ABTB1: variants seen among roughly 807,000 people sequenced by gnomAD.
ABTB1 encodes ankyrin repeat and BTB/POZ domain-containing protein 1.
Under a neutral mutation model 57.1 loss-of-function variants are expected in ABTB1, and 45 were observed. That is an observed-to-expected ratio of 0.79 (90% CI 0.62 to 1.01). ABTB1 has a LOEUF of 1.01. ABTB1 is among the 50% of genes least tolerant of loss of function. The pLI is 0.00. For synonymous variants in ABTB1, 302 were observed against 275.4 expected (o/e 1.10, Z -0.95); for missense variants, 630 against 666.3 (o/e 0.95, Z 0.60).
Position 127,680,596 on chromosome 3 carries a change from G to C in ABTB1, c.*121G>C, listed in dbSNP as rs766008202. 8.4e-7 allele frequency: 1 copy of C among 1,193,752 alleles called. No homozygotes were observed. The highest frequency in any genetic ancestry group is 1.5e-5 in the African/African-American group (1 of 66,672). 73.9% of individuals were successfully genotyped at this position (1,193,752 alleles called of 1,614,324 possible). On this transcript the variant is annotated 3_prime_UTR_variant, in exon 12 of 12. Transcript: ENST00000232744. ...TGAGGGCTTCATGGGGGGTGCGAGG[G>C]GCTCAGTGGGGCTTCTCTTCCCTCC...
chr3:127,675,956 C>A lies in ABTB1; in HGVS notation c.176-14C>A, dbSNP rs1358091899. 6.2e-7 allele frequency: 1 copy of A among 1,601,384 alleles called. No individual in the cohort carries two copies. Among genetic ancestry groups the A allele is most frequent in the Admixed American group, 1.7e-5 (1 of 59,824 alleles). On this transcript the variant is annotated splice_polypyrimidine_tract_variant and intron_variant, in intron 3 of 11. Transcript: ENST00000232744. The stretch of plus-strand genomic sequence containing the variant: ...GCCCCTTCCCTGCTAACTGGTGAGC[C>A]CTGCCTCCCCCAGGAGCCCGCTGCG...
intron 3 of ABTB1, 30 bp downstream of exon 3, chr3:127,674,630 T>C (rs867640759): frequency 1.2e-6 from 2 of 1,613,872 alleles, no homozygotes; most frequent in South Asian, 1.1e-5. Flanking sequence ...CTCACGGGTG[T>C]GCGTGGGTGC....
chr3:127,673,157 C>A, intron 1 of ABTB1, 76 bp downstream of exon 1: 1 of 1,373,230 alleles, frequency 7.3e-7, no homozygotes, highest in Non-Finnish European at 9.5e-7. Flanking sequence ...GGACGGGCGG[C>A]TGGGCGGCCG....
At position 127,676,899 on chromosome 3, in the gene ABTB1, C is replaced by A; in HGVS notation, c.527-68C>A. ...GCCAGGTGGCCAGGTGGGAGGGGAT[C>A]ACCCTTTTTCTGTGGGCCTGATGAC... On this transcript the variant is annotated intron_variant, in intron 6 of 11. Coordinates refer to ENST00000232744, the MANE Select transcript of ABTB1 (RefSeq NM_172027.3). This position sits in a 1 kb window ranked among gnomAD's most constrained non-coding sequence, Gnocchi z 5.4. The A allele has an allele frequency of 6.7e-7, 1 of 1,496,370 alleles. No homozygotes were observed. Among genetic ancestry groups the A allele is most frequent in the Non-Finnish European group, 9.2e-7 (1 of 1,087,058 alleles). 92.7% of individuals were successfully genotyped at this position (1,496,370 alleles called of 1,614,324 possible).
At chr3:127,678,148 G>A (rs1228659686) in intron 10 of ABTB1, 1 of 341,680 alleles carries the variant, frequency 2.9e-6, no homozygotes, top group Admixed American at 4.3e-5. Flanking sequence ...CCTCCTCTCT[G>A]TGGTGCTGCA....
chr3:127,680,259 C>A lies in ABTB1; in HGVS notation c.1231-10C>A, dbSNP rs763261463. 9 of 1,613,408 alleles carry A rather than the reference C, an allele frequency of 5.6e-6. No individual in the cohort carries two copies. Among genetic ancestry groups the A allele is most frequent in the Non-Finnish European group, 6.8e-6 (8 of 1,179,830 alleles). ...CACCCCTCCACTGAGCTGGCCCTTC[C>A]CGCTCATAGCTGGTGGAGCGGGAGG... On this transcript the variant is annotated splice_polypyrimidine_tract_variant and intron_variant, in intron 11 of 11. Coordinates refer to ENST00000232744, the MANE Select transcript of ABTB1 (RefSeq NM_172027.3).
At chr3:127,675,834 T>G in intron 3 of ABTB1, 136 bp from the exon 4 acceptor site, 2 of 1,225,862 alleles carry the variant, frequency 1.6e-6, no homozygotes, top group Non-Finnish European at 2.3e-6. Context: ...GGGGTCAGAG[T>G]GGGCCCAGGG....
chr3:127,675,741 CT>C, intron 3 of ABTB1: 1 of 593,564 alleles, frequency 1.7e-6, no homozygotes. Flanking sequence ...TCTGTGTTGT[CT>C]GTCTTCCGTG....
Position 127,680,761 on chromosome 3 carries a change from C to A in ABTB1, c.*286C>A. On this transcript the variant is annotated 3_prime_UTR_variant, in exon 12 of 12. Coordinates refer to ENST00000232744, the MANE Select transcript of ABTB1 (RefSeq NM_172027.3). ...GGGTGGGCTTTGGTCTTAGCACTTT[C>A]CTTCTCCAGATCCCCCCTACCCACC... 1 of 668,344 alleles carries A rather than the reference C, an allele frequency of 1.5e-6. No homozygotes were observed. The highest frequency in any genetic ancestry group is 1.7e-5 in the South Asian group (1 of 57,256). 41.4% of individuals were successfully genotyped at this position (668,344 alleles called of 1,614,324 possible). A position where few individuals can be genotyped will look rare whatever the true frequency, so the allele number is the denominator to read the frequency against.
chr3:127,676,955 C>G lies in ABTB1; in HGVS notation c.527-12C>G, dbSNP rs2074996488. 3.7e-6 allele frequency: 6 copies of G among 1,612,348 alleles called. No homozygotes were observed. In the East Asian group the frequency reaches 1.3e-4, roughly 36 times the overall value. On this transcript the variant is annotated splice_polypyrimidine_tract_variant and intron_variant, in intron 6 of 11. Coordinates refer to ENST00000232744, the MANE Select transcript of ABTB1 (RefSeq NM_172027.3). This position sits in a 1 kb window ranked among gnomAD's most constrained non-coding sequence, Gnocchi z 5.4. ...AGGTCCCGCAGGCCCTCATCCTCCC[C>G]ACTGCCCCCAGGCCGCCTGGACATT...
At chr3:127,675,849 T>C in intron 3 of ABTB1, 121 bp from the exon 4 acceptor site, 1 of 1,365,604 alleles carries the variant, frequency 7.3e-7, no homozygotes, top group Non-Finnish European at 1.0e-6. Flanking sequence ...CCAGGGTAAT[T>C]TGGGAAGGCA....
chr3:127,680,112 G>A lies in ABTB1; in HGVS notation c.1157G>A (p.Arg386His), dbSNP rs73203006. The A allele has an allele frequency of 1.8e-3, 2,825 of 1,613,912 alleles. 6 individuals carry two copies. The highest frequency in any genetic ancestry group is 2.2e-3 in the Non-Finnish European group (2,568 of 1,180,028). ...GAGGACACTGTGGTGGGTGTGTGGC[G>A]CGTGGCCAAGCTCTTCCGCCTGGCG... ...LDEDTVVGVW[R>H]VAKLFRLARL... The change falls in exon 11 of 12, where the codon CGC (arginine) becomes CAC (histidine). Residue 386 changes from arginine (R) to histidine (H), a missense_variant. Coordinates refer to ENST00000232744, the MANE Select transcript of ABTB1 (RefSeq NM_172027.3).
Position 127,674,393 on chromosome 3 carries a change from A to G in ABTB1, c.59A>G (p.Tyr20Cys). The G allele has an allele frequency of 1.9e-6, 3 of 1,588,084 alleles. No homozygotes were observed. The highest frequency in any genetic ancestry group is 2.6e-6 in the Non-Finnish European group (3 of 1,166,470). Reference sequence around the variant, plus strand: ...GCTCTGACCTCCTTCCTGCCCAGGTACCTGCTGGAGCAGCGAGACGTGGAG... The same window carrying G: ...GCTCTGACCTCCTTCCTGCCCAGGTGCCTGCTGGAGCAGCGAGACGTGGAG... ...CRKGDVGRVR[Y>C]LLEQRDVEVN... is the part of the protein sequence containing the mutation. Residue 20 changes from tyrosine (Y) to cysteine (C), a missense_variant and splice_region_variant, in exon 2 of 12, where the codon TAC becomes TGC. By Grantham distance (194) the Tyr-to-Cys change is radical. Transcript: ENST00000232744.
chr3:127,676,097 T>G lies in ABTB1; in HGVS notation c.303T>G (p.Tyr101Ter). Residue 101 changes from tyrosine to a stop codon, truncating the protein, a stop_gained, in exon 4 of 12, where the codon TAT becomes TAG. Coordinates refer to ENST00000232744, the MANE Select transcript of ABTB1 (RefSeq NM_172027.3). LOFTEE classifies it high-confidence loss of function. The surrounding 1 kb of genome is among the most constrained non-coding windows in gnomAD (Gnocchi z 5.4). ...VTASCRRRDYYDDFLQRLLEQ... is the reference protein window; with the variant it reads ...VTASCRRRDY ...CTTCCTGCAGGAGGCGGGATTACTA[T>G]GACGACTTCTTGCAGCGGTGAGCCA... 1 of 1,613,292 alleles carries G rather than the reference T, an allele frequency of 6.2e-7. No individual in the cohort carries two copies. The highest frequency in any genetic ancestry group is 8.5e-7 in the Non-Finnish European group (1 of 1,179,960).
Position 127,677,937 on chromosome 3 carries a change from C to T in ABTB1, c.1029+94C>T. The T allele has an allele frequency of 3.4e-6, 5 of 1,458,448 alleles. 1 individual carries two copies. The South Asian group carries it at 6.3e-5, about 18-fold the overall frequency. The allele number at this position is 1,458,448 out of a possible 1,614,324, so 90.3% of individuals were successfully genotyped here. A position where few individuals can be genotyped will look rare whatever the true frequency, so the allele number is the denominator to read the frequency against. On this transcript the variant is annotated intron_variant, in intron 10 of 11. Coordinates refer to ENST00000232744, the MANE Select transcript of ABTB1 (RefSeq NM_172027.3). ...GGCCCTGGGGGTCTGTGGAAGGGCC[C>T]AGCTGGCCCCATGGTTGACGTTTTG... is the stretch of plus-strand genomic sequence containing the variant.
rs1232402267 is a variant in ABTB1, at chr3:127,680,176, C to T, written c.1221C>T (p.Val407=). The T allele has an allele frequency of 6.2e-7, 1 of 1,613,724 alleles. No individual in the cohort carries two copies. The highest frequency in any genetic ancestry group is 1.3e-5 in the African/African-American group (1 of 74,944). The stretch of plus-strand genomic sequence containing the variant: ...AGTGCACTGAGTACATGGCCAAGGT[C>T]ATTGAGAAGGTGGGCCAGTGGTCTG... ...EDQCTEYMAK[V]IEKLVEREDF... The change falls in exon 11 of 12, where the codon GTC becomes GTT. Residue 407 remains valine, a synonymous_variant. Transcript: ENST00000232744.
rs181913138 is a variant in ABTB1, at chr3:127,674,111, A to G, written c.57-280A>G. ...TCCTCTCCCAAACGCTGAAAGGCCA[A>G]AGGTCCAGCCTCGGCACTGGCTCTG... is the stretch of plus-strand genomic sequence containing the variant. On this transcript the variant is annotated intron_variant, in intron 1 of 11. Transcript: ENST00000232744. The G allele has an allele frequency of 1.9e-3, 934 of 486,564 alleles. 3 individuals are homozygous for G. Among genetic ancestry groups the G allele is most frequent in the Non-Finnish European group, 2.7e-3 (714 of 264,538 alleles). The allele number at this position is 486,564 out of a possible 1,614,324, so 30.1% of individuals were successfully genotyped here. A position where few individuals can be genotyped will look rare whatever the true frequency, so the allele number is the denominator to read the frequency against.
rs769607857 is a variant in ABTB1 at position 127,677,016 on chromosome 3, C to G, written c.576C>G (p.Ala192=). 2.8e-5 allele frequency: 45 copies of G among 1,613,960 alleles called. No individual in the cohort carries two copies. In the South Asian group the frequency reaches 2.9e-4, roughly 10 times the overall value. Residue 192 remains alanine, a synonymous_variant, in exon 7 of 12, where the codon GCC becomes GCG. Coordinates refer to ENST00000232744, the MANE Select transcript of ABTB1 (RefSeq NM_172027.3). ...ATGTGAGTGACTGTGAGCGCCTGGC[C>G]AAGCAATGCCAGCTGTGGGACCTGC... is the stretch of plus-strand genomic sequence containing the variant. ...VEHVSDCERL[A]KQCQLWDLLS... is the part of the protein sequence containing the mutation.
rs1302455652 is a variant in ABTB1, at chr3:127,677,245, A to T, written c.721A>T (p.Met241Leu). The change falls in exon 8 of 12, where the codon ATG becomes TTG. Residue 241 changes from methionine (M) to leucine (L), a missense_variant. Physicochemically the swap from Met to Leu is conservative, Grantham distance 15. Transcript: ENST00000232744. ...TGCAGACCCCCGCCTCCGGGAGGACATGGCGCTGCTGGCCGATTGTGCCCT... is the reference window on the plus strand; with the variant it reads ...TGCAGACCCCCGCCTCCGGGAGGACTTGGCGCTGCTGGCCGATTGTGCCCT... ...PPADPRLRED[M>L]ALLADCALPP... 12 of 1,600,006 alleles carry T rather than the reference A, an allele frequency of 7.5e-6. No homozygotes were observed. The highest frequency in any genetic ancestry group is 1.0e-5 in the Non-Finnish European group (12 of 1,173,516).
Sources: allele counts gnomAD v4.1 joint callset, GRCh38; gene constraint gnomAD v4.1.1; non-coding constraint Gnocchi (gnomAD v3.1); transcripts MANE v1.5; gene names NCBI Gene and HGNC (gene_info 2026-07-23, HGNC 2026-07-21).